Variants in RPS6KC1 observed in about 807,000 individuals in gnomAD.
RPS6KC1 encodes inactive ribosomal protein S6 kinase delta-1.
Under a neutral mutation model 103.8 loss-of-function variants are expected in RPS6KC1, and 54 were observed. The ratio of observed to expected loss-of-function variants is 0.52; its 90% confidence interval spans 0.42 to 0.65. RPS6KC1 has a LOEUF of 0.65. Among genes scored for constraint, RPS6KC1 ranks in the 30% least tolerant of loss-of-function variants. The pLI, the probability that RPS6KC1 is intolerant of heterozygous loss-of-function variation, is 0.00. For synonymous variants in RPS6KC1, 439 were observed against 438.7 expected (o/e 1.00, Z -0.01); for missense variants, 1,151 against 1,253.8 (o/e 0.92, Z 1.24).
chr1:213,320,650 G>A, the RPS6KC1 span, among the ~76,000 whole-genome samples: 1 of 152,212 alleles, frequency 6.6e-6, no homozygotes, highest in East Asian at 1.9e-4. Context: ...ATGTGGCCTC[G>A]AAGGGGATTC....
At chr1:213,443,059 C>T in the RPS6KC1 span, among the ~76,000 whole-genome samples, 33 of 151,610 alleles carry the variant, frequency 2.2e-4, no homozygotes, top group Admixed American at 1.7e-3. Flanking sequence ...CTGTTGGCGG[C>T]GATGTTTCTC....
the RPS6KC1 span, among the ~76,000 whole-genome samples, chr1:213,742,811 C>T: frequency 6.6e-6 from 1 of 152,200 alleles, no homozygotes; most frequent in Non-Finnish European, 1.5e-5. Flanking sequence ...TCAGAGTGAG[C>T]AGAGAAATGA....
At chr1:213,564,692 C>T in the RPS6KC1 span, among the ~76,000 whole-genome samples, 1 of 152,194 alleles carries the variant, frequency 6.6e-6, no homozygotes, top group Non-Finnish European at 1.5e-5. Context: ...AGGATCCCCT[C>T]CTCTGAGATT....
chr1:213,613,285 C>A, the RPS6KC1 span, among the ~76,000 whole-genome samples: 4 of 152,198 alleles, frequency 2.6e-5, no homozygotes, highest in Non-Finnish European at 5.9e-5. Context: ...CTCTCCACCA[C>A]CAGATCACTC....
the RPS6KC1 span, among the ~76,000 whole-genome samples, chr1:213,682,861 G>T: frequency 6.6e-6 from 1 of 152,288 alleles, no homozygotes; most frequent in Middle Eastern, 3.4e-3. Flanking sequence ...CAGATTTTAT[G>T]TGGAAATGAA....
the RPS6KC1 span, among the ~76,000 whole-genome samples, chr1:213,670,161 A>G: frequency 6.6e-6 from 1 of 152,142 alleles, no homozygotes; most frequent in African/African-American, 2.4e-5. Flanking sequence ...TCCTTCGAGG[A>G]GGTCCCTGTG....
chr1:213,703,700 T>G, the RPS6KC1 span, among the ~76,000 whole-genome samples: 1 of 152,224 alleles, frequency 6.6e-6, no homozygotes, highest in African/African-American at 2.4e-5. Context: ...CTGAAAAGTC[T>G]GCTGCTCCAT....
chr1:213,177,081 C>CT (rs937213211), intron 8 of RPS6KC1, among the ~76,000 whole-genome samples: 10 of 152,282 alleles, frequency 6.6e-5, no homozygotes, highest in Non-Finnish European at 1.5e-4. Flanking sequence ...TTCTAGTACA[C>CT]TAACCCCTCA....
chr1:213,294,953 G>A, the RPS6KC1 span, among the ~76,000 whole-genome samples: 3 of 152,134 alleles, frequency 2.0e-5, no homozygotes, highest in Non-Finnish European at 4.4e-5. Context: ...GTTTTGAAAA[G>A]AAGGAGAAGA....
intron 6 of RPS6KC1, among the ~76,000 whole-genome samples, chr1:213,163,247 C>G (rs925761351): frequency 6.6e-6 from 1 of 152,050 alleles, no homozygotes; most frequent in South Asian, 2.1e-4. Flanking sequence ...AAACTCAAAC[C>G]GAGTTTGATT....
the RPS6KC1 span, among the ~76,000 whole-genome samples, chr1:213,683,930 C>G: frequency 6.6e-6 from 1 of 152,292 alleles, no homozygotes; most frequent in South Asian, 2.1e-4. Flanking sequence ...CCAGGCACCA[C>G]TTTATAGCCA....
At chr1:213,448,867 A>G in the RPS6KC1 span, among the ~76,000 whole-genome samples, 4 of 152,030 alleles carry the variant, frequency 2.6e-5, no homozygotes, top group Admixed American at 6.6e-5. Context: ...GAGCTTTCAA[A>G]GGCAGTGCGT....
chr1:213,147,029 T>G (rs1465480352), intron 6 of RPS6KC1, among the ~76,000 whole-genome samples: 1 of 152,180 alleles, frequency 6.6e-6, no homozygotes, highest in African/African-American at 2.4e-5. Flanking sequence ...TTATGCCCGT[T>G]TTTTGATTGG....
the RPS6KC1 span, among the ~76,000 whole-genome samples, chr1:213,377,132 G>A: frequency 6.6e-6 from 1 of 152,232 alleles, no homozygotes; most frequent in South Asian, 2.1e-4. Context: ...TTAAACATTT[G>A]CTCAGGCTGA....
intron 8 of RPS6KC1, among the ~76,000 whole-genome samples, chr1:213,215,726 A>G (rs1250293527): frequency 6.6e-6 from 1 of 152,250 alleles, no homozygotes; most frequent in Non-Finnish European, 1.5e-5. Flanking sequence ...CCAATATTCA[A>G]CATTCTTAAA....
the RPS6KC1 span, among the ~76,000 whole-genome samples, chr1:213,544,787 G>T: frequency 4.6e-5 from 7 of 152,136 alleles, no homozygotes; most frequent in Non-Finnish European, 8.8e-5. Context: ...ACCTTAGAGG[G>T]TCTTCTCTGT....
chr1:213,077,672 C>T (rs747662696), intron 2 of RPS6KC1, 24 bp from the exon 3 acceptor site: 1 of 1,347,898 alleles, frequency 7.4e-7, no homozygotes, highest in Admixed American at 2.2e-5. Context: ...TTATGAGATA[C>T]ATGTTTAATT....
chr1:213,605,623 G>A, the RPS6KC1 span, among the ~76,000 whole-genome samples: 1 of 152,216 alleles, frequency 6.6e-6, no homozygotes, highest in African/African-American at 2.4e-5. Context: ...GTAACCCCAT[G>A]AGGGCAGGGA....
intron 8 of RPS6KC1, among the ~76,000 whole-genome samples, chr1:213,195,431 T>A (rs1321605208): frequency 6.6e-6 from 1 of 152,092 alleles, no homozygotes; most frequent in East Asian, 1.9e-4. Flanking sequence ...TAAAAAGTTT[T>A]AAAAATTCGT....
Sources: allele counts gnomAD v4.1 joint callset (sites outside exome capture counted in the v4.1 genomes callset), GRCh38; gene constraint gnomAD v4.1.1; transcripts MANE v1.5; gene names NCBI Gene and HGNC (gene_info 2026-07-23, HGNC 2026-07-21).